The following XYLT1 variants were observed in gnomAD, a reference collection of about 807,000 sequenced individuals.
The protein encoded by XYLT1 is xylosyltransferase 1.
In XYLT1, 36 loss-of-function variants were observed where a neutral mutation model predicts 91.3. The observed-to-expected ratio is 0.39, with a 90% CI of 0.30 to 0.52. The LOEUF (loss-of-function observed/expected upper bound fraction) is 0.52. Ranked by LOEUF, XYLT1 falls within the 20% of genes least tolerant of loss-of-function variation. The pLI, the probability that XYLT1 is intolerant of heterozygous loss-of-function variation, is 0.68. For synonymous variants in XYLT1, 588 were observed against 532.0 expected (o/e 1.11, Z -1.45); for missense variants, 1,242 against 1,284.5 (o/e 0.97, Z 0.51).
At chr16:17,286,203 C>T (rs1360726174) in intron 2 of XYLT1, among the ~76,000 whole-genome samples, 1 of 152,074 alleles carries the variant, frequency 6.6e-6, no homozygotes, top group Non-Finnish European at 1.5e-5. Context: ...GAATTTGAAC[C>T]AGGCTCATGT....
chr16:17,438,852 C>T lies in XYLT1; in HGVS notation c.363+31582G>A, dbSNP rs540030404. On this transcript the variant is annotated intron_variant, in intron 1 of 11. Coordinates refer to ENST00000261381, the MANE Select transcript of XYLT1 (RefSeq NM_022166.4). ...CCGCCCCCATGATCCAATCACCTCC[C>T]ACCAGGCCCCTCCCTCAACACTGGG... Among the ~76,000 whole-genome samples, 10 of 152,218 alleles carry T rather than the reference C, an allele frequency of 6.6e-5. No individual in the cohort carries two copies. In the East Asian group the frequency reaches 1.9e-3, roughly 29 times the overall value.
chr16:17,125,935 T>C (rs1427724547), intron 10 of XYLT1, among the ~76,000 whole-genome samples: 2 of 152,094 alleles, frequency 1.3e-5, no homozygotes, highest in Non-Finnish European at 2.9e-5. Context: ...TTCCCATGTA[T>C]TGGAGAAATG....
rs558480741 is a variant in XYLT1 at position 17,373,115 on chromosome 16, C to G, written c.364-15065G>C. On this transcript the variant is annotated intron_variant, in intron 1 of 11. Coordinates refer to ENST00000261381, the MANE Select transcript of XYLT1 (RefSeq NM_022166.4). Reference sequence around the variant, plus strand: ...CTATCTCATTAGCTGCCATATAAAACCAGCACCTTGGATCATCCAATATTA... The same window carrying G: ...CTATCTCATTAGCTGCCATATAAAAGCAGCACCTTGGATCATCCAATATTA... 4.5e-4 allele frequency among the ~76,000 whole-genome samples: 69 copies of G among 152,230 alleles called. 2 individuals are homozygous for G. In the South Asian group the frequency reaches 0.013, roughly 29 times the overall value.
At chr16:17,161,286 A>G (rs1311091711) in intron 5 of XYLT1, among the ~76,000 whole-genome samples, 3 of 152,136 alleles carry the variant, frequency 2.0e-5, no homozygotes, top group Non-Finnish European at 4.4e-5. Context: ...AAAAGATGAC[A>G]TCTTGGGGGA....
intron 8 of XYLT1, among the ~76,000 whole-genome samples, chr16:17,135,768 C>T (rs769491823): frequency 6.6e-6 from 1 of 152,190 alleles, no homozygotes; most frequent in Non-Finnish European, 1.5e-5. Flanking sequence ...AGGTGTTATA[C>T]TTTATATTCA....
rs929364369 is a variant in XYLT1 at position 17,106,537 on chromosome 16, G to C, written c.*2158C>G. ...CCTCCTAAGATGGATCTCTCTCAAA[G>C]GAGCCTGTTTCCCTCTGTTAAGGTC... On this transcript the variant is annotated 3_prime_UTR_variant, in exon 12 of 12. Coordinates refer to ENST00000261381, the MANE Select transcript of XYLT1 (RefSeq NM_022166.4). 4 of 152,260 alleles carry C rather than the reference G, an allele frequency of 2.6e-5. No individual in the cohort carries two copies. The highest frequency in any genetic ancestry group is 9.7e-5 in the African/African-American group (4 of 41,450). 9.4% of individuals were successfully genotyped at this position (152,260 alleles called of 1,614,324 possible). A position where few individuals can be genotyped will look rare whatever the true frequency, so the allele number is the denominator to read the frequency against.
rs907618696 is a variant in XYLT1 at position 17,209,793 on chromosome 16, G to C, written c.914-9139C>G. ...GGAGGAGTTCATGTGGTGTGACTCC[G>C]CGGACCTCGCCCATCACACTTGAAC... is the stretch of plus-strand genomic sequence containing the variant. On this transcript the variant is annotated intron_variant, in intron 3 of 11. Transcript: ENST00000261381. Among the ~76,000 whole-genome samples the C allele has an allele frequency of 2.0e-5, 3 of 152,218 alleles. No homozygotes were observed. In the East Asian group the frequency reaches 5.8e-4, roughly 29 times the overall value.
Position 17,108,875 on chromosome 16 carries a change from T to C in XYLT1, c.2700A>G (p.Thr900=). 6.2e-7 allele frequency: 1 copy of C among 1,611,340 alleles called. No homozygotes were observed. Among genetic ancestry groups the C allele is most frequent in the Middle Eastern group, 1.7e-4 (1 of 6,026 alleles). The change falls in exon 12 of 12, where the codon ACA becomes ACG. Residue 900 remains threonine, a synonymous_variant. Transcript: ENST00000261381. ...ACGAGTCCAGCCATCCCTCCAGCGCTGTGCCCGTGGAGGCTGCGTTCCTCC... is the reference window on the plus strand; with the variant it reads ...ACGAGTCCAGCCATCCCTCCAGCGCCGTGCCCGTGGAGGCTGCGTTCCTCC... ...QARRNAASTG[T]ALEGWLDSLV...
chr16:17,111,294 G>A (rs1966840319), intron 11 of XYLT1, among the ~76,000 whole-genome samples: 1 of 152,200 alleles, frequency 6.6e-6, no homozygotes, highest in African/African-American at 2.4e-5. Flanking sequence ...TGGGGTGAAG[G>A]AAAGAAGCTA....
intron 3 of XYLT1, among the ~76,000 whole-genome samples, chr16:17,248,162 G>C (rs899103322): frequency 6.6e-6 from 1 of 152,182 alleles, no homozygotes; most frequent in Non-Finnish European, 1.5e-5. Flanking sequence ...TAGTGAATAA[G>C]TCTCATGAGA....
At chr16:17,288,117 T>C (rs2034168449) in intron 2 of XYLT1, among the ~76,000 whole-genome samples, 1 of 151,530 alleles carries the variant, frequency 6.6e-6, no homozygotes, top group Non-Finnish European at 1.5e-5. Flanking sequence ...TAGTAGAAGA[T>C]GAGGTCCTAC....
intron 2 of XYLT1, among the ~76,000 whole-genome samples, chr16:17,295,297 T>C (rs2034292262): frequency 6.6e-6 from 1 of 151,510 alleles, no homozygotes; most frequent in South Asian, 2.1e-4. Flanking sequence ...CAGGAAGAAA[T>C]GGGGGATAGA....
chr16:17,206,442 G>A (rs2032646181), intron 3 of XYLT1, among the ~76,000 whole-genome samples: 1 of 152,166 alleles, frequency 6.6e-6, no homozygotes, highest in Non-Finnish European at 1.5e-5. Context: ...TGGATAAAGA[G>A]CAACGAGGTG....
intron 8 of XYLT1, chr16:17,138,096 T>A: frequency 2.4e-6 from 1 of 421,984 alleles, no homozygotes; most frequent in Non-Finnish European, 4.2e-6. Flanking sequence ...GCCTCACAGT[T>A]TTCATATCCC....
rs191913953 is a variant in XYLT1, at chr16:17,445,690, C to T, written c.363+24744G>A. On this transcript the variant is annotated intron_variant, in intron 1 of 11. Coordinates refer to ENST00000261381, the MANE Select transcript of XYLT1 (RefSeq NM_022166.4). ...TCAGAAAAGGCAGCTGATTAACACG[C>T]GTGGAGGGTCTATTGTCTGAATCCC... The T allele has an allele frequency of 1.2e-3, 187 of 152,330 alleles. 1 individual carries two copies. The highest frequency in any genetic ancestry group is 4.0e-3 in the African/African-American group (166 of 41,568). 9.4% of individuals were successfully genotyped at this position (152,330 alleles called of 1,614,324 possible).
rs947206898 is a variant in XYLT1 at position 17,104,309 on chromosome 16, A to G, written c.*4386T>C. ...ATGGAGTCCCACAAGCTGTAGCCCC[A>G]GGCAGATGTGGACCTCTGCATATCT... On this transcript the variant is annotated 3_prime_UTR_variant, in exon 12 of 12. Transcript: ENST00000261381. The G allele has an allele frequency of 1.3e-5, 2 of 152,358 alleles. No individual in the cohort carries two copies. Among genetic ancestry groups the G allele is most frequent in the Non-Finnish European group, 2.9e-5 (2 of 68,108 alleles). The allele number at this position is 152,358 out of a possible 1,614,324, so 9.4% of individuals were successfully genotyped here.
chr16:17,319,642 T>C (rs1457683698), intron 2 of XYLT1, among the ~76,000 whole-genome samples: 1 of 152,046 alleles, frequency 6.6e-6, no homozygotes, highest in Non-Finnish European at 1.5e-5. Context: ...AGTTTCACCA[T>C]ATTGGCCAGG....
rs377745682 is a variant in XYLT1 at position 17,197,326 on chromosome 16, G to A, written c.1289+886C>T. Among the ~76,000 whole-genome samples, 64 of 152,034 alleles carry A rather than the reference G, an allele frequency of 4.2e-4. No individual in the cohort carries two copies. In the South Asian group the frequency reaches 6.0e-3, roughly 14 times the overall value. On this transcript the variant is annotated intron_variant, in intron 5 of 11. Transcript: ENST00000261381. ...TTTTCATCTTCTTCTGTTCTTATCC[G>A]TGAAAACCTTCCAGGCCACCGTTGG...
At chr16:17,220,634 G>A (rs1422922434) in intron 3 of XYLT1, among the ~76,000 whole-genome samples, 3 of 152,080 alleles carry the variant, frequency 2.0e-5, no homozygotes, top group Non-Finnish European at 2.9e-5. Context: ...CACCACACTC[G>A]GCTACTTTTT....
Sources: gnomAD v4.1 joint callset for allele counts (sites outside exome capture counted in the v4.1 genomes callset) on GRCh38, gnomAD v4.1.1 for gene constraint, MANE v1.5 for transcripts, NCBI Gene and HGNC (gene_info 2026-07-23, HGNC 2026-07-21) for gene names.